Variants in GALK2 observed in about 807,000 individuals in gnomAD.
GALK2 encodes N-acetylgalactosamine kinase.
GALK2 carries 36 observed loss-of-function variants against 52.4 expected under a neutral mutation model. That is an observed-to-expected ratio of 0.69 (90% CI 0.53 to 0.91). The LOEUF (loss-of-function observed/expected upper bound fraction) is 0.91, where lower values mean the gene tolerates loss of function less well. Ranked by LOEUF, GALK2 falls within the 40% of genes least tolerant of loss-of-function variation. The probability of loss-of-function intolerance (pLI) is 0.00; values close to 1 mark genes in which losing one functional copy is unlikely to be tolerated. For synonymous variants in GALK2, 176 were observed against 199.1 expected (o/e 0.88, Z 0.98); for missense variants, 579 against 559.1 (o/e 1.04, Z -0.36).
At chr15:49,156,743 G>T (rs2084469369) in intron 1 of GALK2, 1 of 559,226 alleles carries the variant, frequency 1.8e-6, no homozygotes, top group Non-Finnish European at 3.3e-6. Context: ...AATAGCGCAA[G>T]AATATCATTT....
chr15:49,305,357 A>G (rs1297852956), intron 8 of GALK2, among the ~76,000 whole-genome samples: 1 of 152,078 alleles, frequency 6.6e-6, no homozygotes, highest in Non-Finnish European at 1.5e-5. Context: ...ACAGGCCACC[A>G]CTCTATATTC....
intron 1 of GALK2, chr15:49,193,951 C>T (rs994536564): frequency 2.0e-5 from 3 of 152,010 alleles, no homozygotes; most frequent in African/African-American, 7.2e-5. Context: ...TGGTCTCGAT[C>T]TCTTGACCTC....
chr15:49,308,436 T>A (rs1171604331), intron 8 of GALK2, among the ~76,000 whole-genome samples: 1 of 152,244 alleles, frequency 6.6e-6, no homozygotes. Context: ...TACACGTACA[T>A]GATAAAGATT....
chr15:49,156,639 T>C, intron 1 of GALK2: 1 of 522,252 alleles, frequency 1.9e-6, no homozygotes, highest in Non-Finnish European at 3.8e-6. Flanking sequence ...ATGATAAATA[T>C]TAAGAGCATT....
intron 3 of GALK2, chr15:49,366,474 G>T: frequency 9.3e-7 from 1 of 1,075,682 alleles, no homozygotes; most frequent in Non-Finnish European, 1.5e-6. Flanking sequence ...TTGCATAGTG[G>T]TGCGGAAGTC....
At chr15:49,360,864 T>G (rs573801875) in intron 3 of GALK2, among the ~76,000 whole-genome samples, 3 of 152,280 alleles carry the variant, frequency 2.0e-5, no homozygotes, top group Non-Finnish European at 4.4e-5. Flanking sequence ...TAAGCACTCC[T>G]GTGATGTGAA....
intron 3 of GALK2, among the ~76,000 whole-genome samples, chr15:49,363,190 T>C (rs963840412): frequency 3.3e-5 from 5 of 152,354 alleles, no homozygotes; most frequent in East Asian, 1.9e-4. Flanking sequence ...AGGAATAGCA[T>C]TGAATCTGTA....
At chr15:49,275,815 G>A (rs1034423148) in intron 5 of GALK2, among the ~76,000 whole-genome samples, 1 of 152,092 alleles carries the variant, frequency 6.6e-6, no homozygotes, top group African/African-American at 2.4e-5. Flanking sequence ...GATTTAATTA[G>A]ATTCTCTATT....
intron 5 of GALK2, among the ~76,000 whole-genome samples, chr15:49,265,187 G>GAGGC: frequency 6.6e-6 from 1 of 152,192 alleles, no homozygotes; most frequent in South Asian, 2.1e-4. Flanking sequence ...GGAGCCTACA[G>GAGGC]AGGCAGGCAG....
intron 3 of GALK2, among the ~76,000 whole-genome samples, chr15:49,355,222 G>A (rs556422918): frequency 7.9e-5 from 12 of 152,314 alleles, no homozygotes; most frequent in Admixed American, 4.6e-4. Flanking sequence ...CACCAGCAAA[G>A]GAACAAAGCT....
chr15:49,235,104 G>A (rs1001164456), intron 3 of GALK2, among the ~76,000 whole-genome samples: 2 of 152,160 alleles, frequency 1.3e-5, no homozygotes, highest in Non-Finnish European at 2.9e-5. Context: ...TAAGTGTCTG[G>A]TGGGGAAATA....
intron 3 of GALK2, among the ~76,000 whole-genome samples, chr15:49,228,293 A>G (rs1208437351): frequency 6.6e-6 from 1 of 151,950 alleles, no homozygotes; most frequent in Non-Finnish European, 1.5e-5. Context: ...TTCAGCTATT[A>G]TTTTGTTAAG....
intron 1 of GALK2, chr15:49,170,632 A>T (rs1424800937): frequency 2.1e-6 from 1 of 486,338 alleles, no homozygotes. Flanking sequence ...TTCTTGTTGT[A>T]ATTAGTGTAC....
intron 1 of GALK2, among the ~76,000 whole-genome samples, chr15:49,159,744 A>G (rs1215911914): frequency 2.6e-5 from 4 of 152,092 alleles, no homozygotes; most frequent in African/African-American, 7.2e-5. Flanking sequence ...GTTTTTCCCT[A>G]ACAGTCTTCT....
At chr15:49,259,002 T>C (rs1385350366) in intron 5 of GALK2, among the ~76,000 whole-genome samples, 1 of 151,840 alleles carries the variant, frequency 6.6e-6, no homozygotes, top group East Asian at 1.9e-4. Flanking sequence ...GGTTGTTTTT[T>C]TCTTGTAAAT....
chr15:49,337,663 T>C (rs1340462313), intron 3 of GALK2, among the ~76,000 whole-genome samples: 2 of 152,040 alleles, frequency 1.3e-5, no homozygotes, highest in Admixed American at 6.6e-5. Context: ...CTCCTAATGC[T>C]ATCCCTCCCA....
At chr15:49,325,946 C>CTGTT (rs764554356) in intron 9 of GALK2, among the ~76,000 whole-genome samples, 2 of 152,164 alleles carry the variant, frequency 1.3e-5, no homozygotes, top group African/African-American at 4.8e-5. Context: ...AAATAATACT[C>CTGTT]TGTTTGCTTT....
At chr15:49,311,982 A>G (rs1423164421) in intron 8 of GALK2, among the ~76,000 whole-genome samples, 5 of 152,162 alleles carry the variant, frequency 3.3e-5, no homozygotes, top group African/African-American at 1.2e-4. Flanking sequence ...CACACAGTTA[A>G]TCTGCTCATT....
rs563424680 is a variant in GALK2 at position 49,275,780 on chromosome 15, C to T, written c.505-6207C>T. On this transcript the variant is annotated intron_variant, in intron 5 of 9. Coordinates refer to ENST00000560031, the MANE Select transcript of GALK2 (RefSeq NM_002044.4). ...CGAGGCATAACATTCATGAATCTTT[C>T]GCCCTTCTCAGTGCTAATCAGTTAG... Among the ~76,000 whole-genome samples the T allele has an allele frequency of 4.6e-5, 7 of 152,224 alleles. No homozygotes were observed. The East Asian group carries it at 9.7e-4, about 21-fold the overall frequency.
Sources: gnomAD v4.1 joint callset for allele counts (sites outside exome capture counted in the v4.1 genomes callset) on GRCh38, gnomAD v4.1.1 for gene constraint, MANE v1.5 for transcripts, NCBI Gene and HGNC (gene_info 2026-07-23, HGNC 2026-07-21) for gene names.